Variants in FMN2 observed in about 807,000 individuals in gnomAD.
The protein encoded by FMN2 is formin-2.
Under a neutral mutation model 142.3 loss-of-function variants are expected in FMN2, and 51 were observed. That is an observed-to-expected ratio of 0.36 (90% confidence interval 0.29 to 0.45). FMN2 has a LOEUF of 0.45. FMN2 is among the 20% of genes least tolerant of loss of function. The probability of loss-of-function intolerance (pLI) is 1.00; values close to 1 mark genes in which losing one functional copy is unlikely to be tolerated. For missense variants in FMN2, 1,936 were observed against 2,122.8 expected (o/e 0.91, Z 1.73); for synonymous variants, 882 against 869.8 (o/e 1.01, Z -0.25).
chr1:240,286,928 G>A (rs1258963897), intron 7 of FMN2, among the ~76,000 whole-genome samples: 1 of 152,136 alleles, frequency 6.6e-6, no homozygotes, highest in Non-Finnish European at 1.5e-5. Context: ...TGTAATTGTT[G>A]TGTAGTTATT....
chr1:240,188,924 C>A (rs1048495016), intron 4 of FMN2, among the ~76,000 whole-genome samples: 1 of 152,032 alleles, frequency 6.6e-6, no homozygotes, highest in Non-Finnish European at 1.5e-5. Flanking sequence ...AGAGAAACTC[C>A]CATTTTTAAA....
rs141749740 is a variant in FMN2 at position 240,403,973 on chromosome 1, C to T, written c.4910+11411C>T. Among the ~76,000 whole-genome samples the T allele has an allele frequency of 4.0e-3, 616 of 152,264 alleles. 3 individuals are homozygous for T. Among genetic ancestry groups the T allele is most frequent in the African/African-American group, 0.014 (593 of 41,544 alleles). ...ATTTGTAGAAGAACTTTAAATCACA[C>T]ATTTTAAAAAATAAATACTATTTCT... On this transcript the variant is annotated intron_variant, in intron 15 of 17. Coordinates refer to ENST00000319653, the MANE Select transcript of FMN2 (RefSeq NM_020066.5).
intron 2 of FMN2, among the ~76,000 whole-genome samples, chr1:240,156,188 C>T (rs1175184676): frequency 6.6e-6 from 1 of 152,064 alleles, no homozygotes; most frequent in African/African-American, 2.4e-5. Context: ...AGTAGGAGGC[C>T]GAAGTGTGCT....
chr1:240,470,766 G>A (rs1676782084), intron 16 of FMN2, among the ~76,000 whole-genome samples: 1 of 151,474 alleles, frequency 6.6e-6, no homozygotes, highest in South Asian at 2.1e-4. Context: ...TAATTCCCAA[G>A]GAAAAGTCAC....
At chr1:240,310,229 A>G (rs955759446) in intron 8 of FMN2, among the ~76,000 whole-genome samples, 3 of 152,242 alleles carry the variant, frequency 2.0e-5, no homozygotes, top group Non-Finnish European at 2.9e-5. Flanking sequence ...AGAAAAAAAT[A>G]TCGCTAACCT....
rs940285672 is a variant in FMN2 at position 240,127,384 on chromosome 1, T to A, written c.1782+4039T>A. On this transcript the variant is annotated intron_variant, in intron 2 of 17. Coordinates refer to ENST00000319653, the MANE Select transcript of FMN2 (RefSeq NM_020066.5). ...ACCATACCTGGCTTTTTTTTTTTTT[T>A]AAATGGGAGCTTTTGGGAGGTTTTA... Among the ~76,000 whole-genome samples, 14 of 151,480 alleles carry A rather than the reference T, an allele frequency of 9.2e-5. 2 individuals carry two copies. Among genetic ancestry groups the A allele is most frequent in the Admixed American group, 5.3e-4 (8 of 15,224 alleles).
intron 6 of FMN2, among the ~76,000 whole-genome samples, chr1:240,235,437 G>T (rs1169553034): frequency 2.0e-5 from 3 of 150,822 alleles, no homozygotes; most frequent in Non-Finnish European, 4.4e-5. Flanking sequence ...CAGAGATGAG[G>T]GTCTCTCTCT....
chr1:240,260,546 A>G (rs1483143520), intron 7 of FMN2, among the ~76,000 whole-genome samples: 2 of 151,992 alleles, frequency 1.3e-5, no homozygotes, highest in African/African-American at 2.4e-5. Flanking sequence ...CCATTTGTAT[A>G]TCTTCTTTTG....
At chr1:240,248,949 AT>A (rs1336782835) in intron 6 of FMN2, among the ~76,000 whole-genome samples, 1 of 151,698 alleles carries the variant, frequency 6.6e-6, no homozygotes, top group Non-Finnish European at 1.5e-5. Flanking sequence ...TTACTTATTC[AT>A]TTTTTTATGT....
rs557413972 is a variant in FMN2, at chr1:240,447,478, A to T, written c.5060+9268A>T. On this transcript the variant is annotated intron_variant, in intron 16 of 17. Transcript: ENST00000319653. ...TTAGTCCTCAGGGAAATGCAAATCA[A>T]AACCAAAGTGAGATATACTTCATAC... Among the ~76,000 whole-genome samples the T allele has an allele frequency of 6.2e-4, 94 of 152,316 alleles. 1 individual carries two copies. The highest frequency in any genetic ancestry group is 2.1e-3 in the African/African-American group (89 of 41,588).
chr1:240,367,465 T>C (rs1425577055), intron 14 of FMN2, among the ~76,000 whole-genome samples: 1 of 152,158 alleles, frequency 6.6e-6, no homozygotes, highest in East Asian at 1.9e-4. Flanking sequence ...GTGCATAATT[T>C]TTTTGCCTTA....
chr1:240,383,139 A>G (rs1175552237), intron 14 of FMN2, among the ~76,000 whole-genome samples: 1 of 152,206 alleles, frequency 6.6e-6, no homozygotes, highest in East Asian at 1.9e-4. Flanking sequence ...CTTAAATGTA[A>G]TACCTGAAAC....
At position 240,174,537 on chromosome 1, in the gene FMN2, T is replaced by A. The variant is rs1348537002; in HGVS notation, c.1783-3384T>A. Among the ~76,000 whole-genome samples, 4 of 152,140 alleles carry A rather than the reference T, an allele frequency of 2.6e-5. No individual in the cohort carries two copies. The East Asian group carries it at 5.8e-4, about 22-fold the overall frequency. On this transcript the variant is annotated intron_variant, in intron 2 of 17. Transcript: ENST00000319653. ...CCCTGGCTAATTTTTTAAAAATTTT[T>A]AAATATTCTGTAGAGGTGGGGTCTC... is the stretch of plus-strand genomic sequence containing the variant.
chr1:240,435,527 C>T (rs1675336624), intron 15 of FMN2, among the ~76,000 whole-genome samples: 1 of 151,604 alleles, frequency 6.6e-6, no homozygotes, highest in Non-Finnish European at 1.5e-5. Context: ...AAATATATAG[C>T]ATATGTAATA....
At chr1:240,191,852 T>C (rs941983262) in intron 4 of FMN2, among the ~76,000 whole-genome samples, 8 of 152,298 alleles carry the variant, frequency 5.3e-5, no homozygotes, top group African/African-American at 1.7e-4. Context: ...TAGAATAACA[T>C]TTTGATTTTT....
intron 3 of FMN2, among the ~76,000 whole-genome samples, chr1:240,185,784 CTT>C (rs1475714013): frequency 6.6e-6 from 1 of 152,160 alleles, no homozygotes; most frequent in Non-Finnish European, 1.5e-5. Context: ...GGAAGAGAGA[CTT>C]TTCCCCACTG....
chr1:240,229,965 T>C (rs551634950), intron 6 of FMN2, among the ~76,000 whole-genome samples: 1 of 131,332 alleles, frequency 7.6e-6, no homozygotes, highest in Non-Finnish European at 1.6e-5. Context: ...CTTTGAAATA[T>C]CAAGTTTTAG....
chr1:240,377,334 G>A lies in FMN2; in HGVS notation c.4859-15177G>A, dbSNP rs138706211. On this transcript the variant is annotated intron_variant, in intron 14 of 17. Transcript: ENST00000319653. ...CAGGTTTTTTTTTTTTCTTTCTGCAGTTAAGATATTGTTCTTTTGTCTTGT... is the reference window on the plus strand; with the variant it reads ...CAGGTTTTTTTTTTTTCTTTCTGCAATTAAGATATTGTTCTTTTGTCTTGT... 7.0e-3 allele frequency among the ~76,000 whole-genome samples: 1,062 copies of A among 150,858 alleles called. 18 individuals carry two copies. Among genetic ancestry groups the A allele is most frequent in the African/African-American group, 0.024 (1,008 of 41,152 alleles).
chr1:240,277,715 A>G (rs1312329961), intron 7 of FMN2, among the ~76,000 whole-genome samples: 1 of 151,270 alleles, frequency 6.6e-6, no homozygotes, highest in Non-Finnish European at 1.5e-5. Context: ...TTGTATTTTT[A>G]GTAGAGACGA....
Sources: allele counts gnomAD v4.1 joint callset (sites outside exome capture counted in the v4.1 genomes callset), GRCh38; gene constraint gnomAD v4.1.1; transcripts MANE v1.5; gene names NCBI Gene and HGNC (gene_info 2026-07-23, HGNC 2026-07-21).